TANGO6: variants seen among roughly 807,000 people sequenced by gnomAD.
TANGO6 encodes transport and Golgi organization protein 6 homolog.
In TANGO6, 90 loss-of-function variants were observed where a neutral mutation model predicts 114.2. The ratio of observed to expected loss-of-function variants is 0.79; its 90% CI spans 0.66 to 0.94. TANGO6 has a LOEUF of 0.94. TANGO6 is among the 40% of genes least tolerant of loss of function. The pLI is 0.00. For synonymous variants in TANGO6, 477 were observed against 509.8 expected (o/e 0.94, Z 0.87); for missense variants, 1,274 against 1,315.3 (o/e 0.97, Z 0.49).
At chr16:68,943,520 C>T (rs185083209) in intron 14 of TANGO6, among the ~76,000 whole-genome samples, 4 of 152,098 alleles carry the variant, frequency 2.6e-5, no homozygotes, top group South Asian at 2.1e-4. Context: ...CCTGCCACCA[C>T]GCACTGGCTA....
chr16:68,953,050 T>TTTTTTTATTA (rs1555525236), intron 14 of TANGO6, among the ~76,000 whole-genome samples: 38 of 139,212 alleles, frequency 2.7e-4, no homozygotes, highest in African/African-American at 9.5e-4. Context: ...ACAGGTATTT[T>TTTTTTTATTA]TTATTATTAT....
chr16:69,021,074 A>G (rs147405693), intron 15 of TANGO6, among the ~76,000 whole-genome samples: 2 of 152,222 alleles, frequency 1.3e-5, no homozygotes, highest in Non-Finnish European at 2.9e-5. Flanking sequence ...ATGTGTTCTC[A>G]GCACTGCAGC....
intron 11 of TANGO6, among the ~76,000 whole-genome samples, chr16:68,912,417 T>C (rs1011176792): frequency 6.6e-6 from 1 of 151,894 alleles, no homozygotes; most frequent in Non-Finnish European, 1.5e-5. Context: ...GCAGATCACT[T>C]GAGGCCAGGA....
In TANGO6 at chr16:69,082,043, C is replaced by T. The variant is rs1452022222; in HGVS notation, c.3109-1442C>T. 4.0e-5 allele frequency among the ~76,000 whole-genome samples: 6 copies of T among 151,212 alleles called. No homozygotes were observed. The East Asian group carries it at 7.8e-4, about 20-fold the overall frequency. On this transcript the variant is annotated intron_variant, in intron 17 of 17. Transcript: ENST00000261778. ...AGGCTGGAGTTCAGTGGCGCCATCT[C>T]GGCTCACTGGGCTCACTGCAACCTC...
Position 68,875,143 on chromosome 16 carries a change from C to T in TANGO6, c.995-11C>T. On this transcript the variant is annotated splice_polypyrimidine_tract_variant and intron_variant, in intron 4 of 17. Transcript: ENST00000261778. ...GCTGTGAGCTGCTAACATCTCTCTCCATTGTGCCAGCGGGAGCAGCTGGTG... is the reference window on the plus strand; with the variant it reads ...GCTGTGAGCTGCTAACATCTCTCTCTATTGTGCCAGCGGGAGCAGCTGGTG... The T allele has an allele frequency of 1.2e-6, 2 of 1,609,494 alleles. No homozygotes were observed. The highest frequency in any genetic ancestry group is 1.7e-6 in the Non-Finnish European group (2 of 1,176,696).
At chr16:69,042,345 G>A (rs1390410455) in intron 17 of TANGO6, among the ~76,000 whole-genome samples, 4 of 152,084 alleles carry the variant, frequency 2.6e-5, no homozygotes, top group South Asian at 4.1e-4. Flanking sequence ...TCGGGAATTC[G>A]AGATCAGCCT....
intron 14 of TANGO6, chr16:68,933,908 G>A (rs1216271996): frequency 6.6e-6 from 1 of 152,286 alleles, no homozygotes; most frequent in East Asian, 1.9e-4. Context: ...AAAGGTAAGT[G>A]CAGGTTCTTA....
chr16:69,031,552 A>T (rs891172625), intron 16 of TANGO6, among the ~76,000 whole-genome samples: 1 of 151,986 alleles, frequency 6.6e-6, no homozygotes, highest in African/African-American at 2.4e-5. Flanking sequence ...AAGTACAAAA[A>T]TTAGCCAGGT....
intron 14 of TANGO6, among the ~76,000 whole-genome samples, chr16:68,952,621 G>T (rs566916101): frequency 6.6e-6 from 1 of 152,140 alleles, no homozygotes; most frequent in Non-Finnish European, 1.5e-5. Context: ...CTCAGGTCAC[G>T]TTGAGAACTT....
At chr16:69,007,397 A>G (rs933851305) in intron 15 of TANGO6, among the ~76,000 whole-genome samples, 2 of 150,892 alleles carry the variant, frequency 1.3e-5, no homozygotes, top group Non-Finnish European at 1.5e-5. Flanking sequence ...AGCCTCCCCA[A>G]TAGCTGGGAC....
chr16:68,898,087 G>C (rs1481692688), intron 7 of TANGO6, among the ~76,000 whole-genome samples: 1 of 151,920 alleles, frequency 6.6e-6, no homozygotes, highest in Non-Finnish European at 1.5e-5. Context: ...GCTCCACAGG[G>C]ATTACCTCCG....
intron 1 of TANGO6, among the ~76,000 whole-genome samples, chr16:68,847,255 G>A (rs1356308016): frequency 6.6e-6 from 1 of 152,128 alleles, no homozygotes; most frequent in Non-Finnish European, 1.5e-5. Context: ...AAGCCTCATA[G>A]TACATTCTTG....
rs1176010349 is a variant in TANGO6, at chr16:68,900,474, A to G, written c.1418A>G (p.Asp473Gly). The change falls in exon 8 of 18, where the codon GAT (aspartate) becomes GGT (glycine). Residue 473 changes from aspartate to glycine, a missense_variant. By Grantham distance (94) the Asp-to-Gly change is moderately conservative. Around this residue, in one of 5 missense-constraint regions of TANGO6, gnomAD observed 908 missense variants for 910.2 expected, o/e 1.00. Transcript: ENST00000261778. ...VGNEPLTVLM[D>G]SLLPVLGVLF... ...AATGAACCTTTAACAGTTTTGATGG[A>G]TTCCCTGCTTCCAGTCCTGGGAGTG... 6.2e-7 allele frequency: 1 copy of G among 1,613,930 alleles called. No individual in the cohort carries two copies. The highest frequency in any genetic ancestry group is 1.7e-5 in the Admixed American group (1 of 60,020).
At chr16:68,986,567 T>C (rs891190019) in intron 15 of TANGO6, among the ~76,000 whole-genome samples, 4 of 152,064 alleles carry the variant, frequency 2.6e-5, no homozygotes, top group Non-Finnish European at 5.9e-5. Context: ...AGGTCTCTAA[T>C]GGTTCATGCA....
At chr16:68,885,974 C>G (rs2152173750) in intron 7 of TANGO6, among the ~76,000 whole-genome samples, 1 of 152,294 alleles carries the variant, frequency 6.6e-6, no homozygotes, top group Admixed American at 6.5e-5. Flanking sequence ...CCAAACTTTT[C>G]CGAAGCAGCT....
intron 15 of TANGO6, among the ~76,000 whole-genome samples, chr16:69,004,748 G>C (rs770332615): frequency 3.9e-5 from 6 of 152,166 alleles, no homozygotes; most frequent in Non-Finnish European, 8.8e-5. Context: ...AGGCACCTTA[G>C]TAGCAAGTCC....
intron 15 of TANGO6, among the ~76,000 whole-genome samples, chr16:69,021,256 C>G (rs768932873): frequency 6.6e-6 from 1 of 152,124 alleles, no homozygotes; most frequent in Non-Finnish European, 1.5e-5. Flanking sequence ...TTGGTGTTCT[C>G]AGACATGCCA....
chr16:68,931,256 T>C (rs1963235459), intron 14 of TANGO6, among the ~76,000 whole-genome samples: 1 of 152,128 alleles, frequency 6.6e-6, no homozygotes, highest in African/African-American at 2.4e-5. Flanking sequence ...AATTACTTAA[T>C]CCCTGTGGGC....
intron 15 of TANGO6, among the ~76,000 whole-genome samples, chr16:69,002,540 C>T (rs1964053733): frequency 6.6e-6 from 1 of 152,162 alleles, no homozygotes; most frequent in South Asian, 2.1e-4. Context: ...CTTGCTTGCT[C>T]TCTCTTTGCC....
Sources: gnomAD v4.1 joint callset for allele counts (sites outside exome capture counted in the v4.1 genomes callset) on GRCh38, gnomAD v4.1.1 for gene constraint, gnomAD v4.1.1 regional missense constraint, MANE v1.5 for transcripts, NCBI Gene and HGNC (gene_info 2026-07-23, HGNC 2026-07-21) for gene names.